CDH23: variants seen among roughly 807,000 people sequenced by gnomAD.
CDH23 encodes cadherin-23.
In CDH23, 189 loss-of-function variants were observed where a neutral mutation model predicts 317.1. That is an observed-to-expected ratio of 0.60 (90% CI 0.53 to 0.67). The LOEUF (loss-of-function observed/expected upper bound fraction) is 0.67, where lower values mean the gene tolerates loss of function less well. Ranked by LOEUF, CDH23 falls within the 30% of genes least tolerant of loss-of-function variation. The pLI is 0.00. For synonymous variants in CDH23, 1,839 were observed against 1,876.8 expected, an observed-to-expected ratio of 0.98 and a Z score of 0.52; for missense variants, 4,401 against 4,592.4, an observed-to-expected ratio of 0.96 and a Z score of 1.20.
At chr10:71,456,284 G>A (rs186102796) in intron 3 of CDH23, among the ~76,000 whole-genome samples, 11 of 151,638 alleles carry the variant, frequency 7.3e-5, no homozygotes, top group African/African-American at 1.9e-4. Flanking sequence ...ACAGAAGGGA[G>A]GACTTTTCTC....
At chr10:71,620,328 G>A (rs183836711) in intron 11 of CDH23, among the ~76,000 whole-genome samples, 394 of 152,168 alleles carry the variant, frequency 2.6e-3, no homozygotes, top group Non-Finnish European at 4.4e-3. Context: ...GTGGCACAGC[G>A]CCCAGTACGT....
chr10:71,567,938 C>T (rs1422258935), intron 7 of CDH23, among the ~76,000 whole-genome samples: 1 of 152,244 alleles, frequency 6.6e-6, no homozygotes, highest in Non-Finnish European at 1.5e-5. Flanking sequence ...CACTCCTGAC[C>T]CACATAGCTG....
At chr10:71,779,119 A>T in intron 40 of CDH23, 148 bp from the exon 41 acceptor site, 1 of 708,544 alleles carries the variant, frequency 1.4e-6, no homozygotes, top group Non-Finnish European at 2.5e-6. Flanking sequence ...CATAGCTTAA[A>T]AGCCCCACCC....
intron 38 of CDH23, among the ~76,000 whole-genome samples, chr10:71,767,937 T>C (rs1004717563): frequency 4.9e-4 from 74 of 152,256 alleles, no homozygotes; most frequent in Middle Eastern, 3.4e-3. Context: ...CCTAGGCAGC[T>C]GGCCAGAGGT....
At chr10:71,683,621 G>A (rs1864748003) in intron 18 of CDH23, among the ~76,000 whole-genome samples, 1 of 152,230 alleles carries the variant, frequency 6.6e-6, no homozygotes, top group Non-Finnish European at 1.5e-5. Context: ...GAGCCTTCCA[G>A]TTGGGCATGT....
At chr10:71,650,432 G>A (rs1455629442) in intron 14 of CDH23, among the ~76,000 whole-genome samples, 1 of 152,226 alleles carries the variant, frequency 6.6e-6, no homozygotes, top group East Asian at 1.9e-4. Flanking sequence ...GCGCAGGCAT[G>A]TGAGGTATGC....
chr10:71,574,916 G>T (rs966667397), intron 8 of CDH23, among the ~76,000 whole-genome samples: 5 of 151,976 alleles, frequency 3.3e-5, no homozygotes, highest in Non-Finnish European at 5.9e-5. Context: ...ACCCCACACT[G>T]CCCTCCATTC....
intron 6 of CDH23, among the ~76,000 whole-genome samples, chr10:71,541,344 A>C (rs1286153022): frequency 6.6e-6 from 1 of 152,150 alleles, no homozygotes; most frequent in African/African-American, 2.4e-5. Context: ...GCCTATTGAC[A>C]ACACACTCAA....
chr10:71,434,508 G>C (rs1208474839), intron 1 of CDH23, among the ~76,000 whole-genome samples: 1 of 152,164 alleles, frequency 6.6e-6, no homozygotes, highest in East Asian at 1.9e-4. Context: ...TGTGGTATAA[G>C]ACTTTGATTT....
chr10:71,403,407 CTCT>C (rs1847918128), intron 1 of CDH23, among the ~76,000 whole-genome samples: 1 of 62,754 alleles, frequency 1.6e-5, no homozygotes. Flanking sequence ...TTCTTTCTTT[CTCT>C]TCCTTCCTTC....
chr10:71,480,178 C>T (rs1365998156), intron 3 of CDH23, among the ~76,000 whole-genome samples: 1 of 152,220 alleles, frequency 6.6e-6, no homozygotes, highest in Non-Finnish European at 1.5e-5. Context: ...CATGGCCCCC[C>T]TGAAGTGCCA....
At chr10:71,478,309 G>A (rs192712357) in intron 3 of CDH23, among the ~76,000 whole-genome samples, 158 of 152,232 alleles carry the variant, frequency 1.0e-3, no homozygotes, top group Non-Finnish European at 6.3e-4. Context: ...CTCCTGCTGT[G>A]CCTGGAGATT....
At chr10:71,528,772 T>G (rs1312823869) in intron 6 of CDH23, among the ~76,000 whole-genome samples, 1 of 152,102 alleles carries the variant, frequency 6.6e-6, no homozygotes, top group African/African-American at 2.4e-5. Flanking sequence ...TGCAACATGC[T>G]CCCCTGGGAC....
intron 3 of CDH23, among the ~76,000 whole-genome samples, chr10:71,483,346 C>T (rs994540911): frequency 2.6e-5 from 4 of 152,294 alleles, no homozygotes; most frequent in East Asian, 3.9e-4. Context: ...GCCCAGGCAG[C>T]GGGGTGGGAG....
chr10:71,707,242 A>G, intron 26 of CDH23, 193 bp downstream of exon 26: 1 of 1,472,462 alleles, frequency 6.8e-7, no homozygotes, highest in Non-Finnish European at 9.0e-7. Flanking sequence ...TTGCAGCTGG[A>G]TCACTCTGGA....
rs1442634782 is a variant in CDH23 at position 71,785,166 on chromosome 10, G to T, written c.5712+66G>T. On this transcript the variant is annotated intron_variant, in intron 43 of 69. Coordinates refer to ENST00000224721, the MANE Select transcript of CDH23 (RefSeq NM_022124.6). ...CAGTGAAAAAGAGGACCCTGCCCTA[G>T]AGGCTTTTCTGCTGCCACCATCTGG... The T allele has an allele frequency of 3.6e-6, 5 of 1,383,242 alleles. No homozygotes were observed. The Admixed American group carries it at 9.4e-5, about 26-fold the overall frequency. The allele number at this position is 1,383,242 out of a possible 1,614,324, so 85.7% of individuals were successfully genotyped here.
chr10:71,578,592 C>T (rs1336759963), intron 9 of CDH23, among the ~76,000 whole-genome samples: 1 of 152,136 alleles, frequency 6.6e-6, no homozygotes, highest in Non-Finnish European at 1.5e-5. Context: ...ATCCCTGACC[C>T]ACGCCCCACC....
chr10:71,739,008 T>C (rs1032149956), intron 35 of CDH23, among the ~76,000 whole-genome samples: 4 of 152,328 alleles, frequency 2.6e-5, no homozygotes, highest in African/African-American at 9.6e-5. Flanking sequence ...GCGCTTGCTG[T>C]CGCTCCAGGT....
Position 71,798,559 on chromosome 10 carries a change from G to C in CDH23, c.7035G>C (p.Gln2345His), listed in dbSNP as rs775883486. 6.2e-7 allele frequency: 1 copy of C among 1,611,614 alleles called. No individual in the cohort carries two copies. The highest frequency in any genetic ancestry group is 1.7e-5 in the Admixed American group (1 of 59,870). ...ACCTGGTGCCCCCAGGGTATGTCCAGCTGGAGGACTCCTCGGCAGGTAGGT... is the reference window on the plus strand; with the variant it reads ...ACCTGGTGCCCCCAGGGTATGTCCACCTGGAGGACTCCTCGGCAGGTAGGT... ...LLDLVPPGYVQLEDSSAGKVI... is the reference protein window; with the variant it reads ...LLDLVPPGYVHLEDSSAGKVI... Residue 2345 changes from glutamine (Q) to histidine (H), a missense_variant, in exon 50 of 70, where the codon CAG becomes CAC. This residue lies in a region of CDH23 where 189 missense variants were observed against 250.9 expected (regional missense o/e 0.75). Coordinates refer to ENST00000224721, the MANE Select transcript of CDH23 (RefSeq NM_022124.6).
Sources: allele counts gnomAD v4.1 joint callset (sites outside exome capture counted in the v4.1 genomes callset), GRCh38; gene constraint gnomAD v4.1.1; regional missense constraint gnomAD v4.1.1; transcripts MANE v1.5; gene names NCBI Gene and HGNC (gene_info 2026-07-23, HGNC 2026-07-21).